The following MS4A18 variants were observed in gnomAD, a reference collection of about 807,000 sequenced individuals.
MS4A18 encodes the protein membrane spanning 4-domains A18.
Under a neutral mutation model 13.1 loss-of-function variants are expected in MS4A18, and 27 were observed. That is an observed-to-expected ratio of 2.06 (90% CI 1.52 to 2.84). The LOEUF is 2.84. Among genes scored for constraint, MS4A18 ranks in the 30% most tolerant of loss-of-function variants. MS4A18 has a pLI of 0.00. For synonymous variants in MS4A18, 126 were observed against 76.5 expected (o/e 1.65, Z -3.38); for missense variants, 307 against 196.4 (o/e 1.56, Z -3.37).
At chr11:60,728,355 C>T (rs1853194889), upstream of MS4A18, among the ~76,000 whole-genome samples, 1 of 151,922 alleles carries the variant, frequency 6.6e-6, no homozygotes, top group African/African-American at 2.4e-5. Flanking sequence ...AACCGAGAGT[C>T]AAAAGGACAT....
chr11:60,735,300 C>T (rs1472665668), intron 2 of MS4A18, among the ~76,000 whole-genome samples: 1 of 151,790 alleles, frequency 6.6e-6, no homozygotes, highest in Admixed American at 6.6e-5. Context: ...CTCTATGCCC[C>T]GAGAGGTAAC....
chr11:60,729,786 G>C, exon 1 of MS4A18: 2 of 691,006 alleles, frequency 2.9e-6, no homozygotes, highest in Non-Finnish European at 2.6e-6. Flanking sequence ...GAACATTAGG[G>C]GTGAGTGTGA....
chr11:60,744,545 C>T (rs1290790487), downstream of MS4A18, among the ~76,000 whole-genome samples: 3 of 152,190 alleles, frequency 2.0e-5, no homozygotes, highest in African/African-American at 4.8e-5. Flanking sequence ...GAATTAAAAA[C>T]AGTTGCTCTG....
chr11:60,743,967 AC>A lies in MS4A18; in HGVS notation c.1181del (p.Pro394ArgfsTer9), dbSNP rs778123665. Reference sequence around the variant, plus strand: ...TCAATGCTATCCACACCAGCAATGTACCCCCGAACCCTCGTACCAAGAAATA... The same window carrying A: ...TCAATGCTATCCACACCAGCAATGTACCCCGAACCCTCGTACCAAGAAATA... On this transcript the variant is annotated frameshift_variant, in exon 6 of 6. Transcript: ENST00000529108. LOFTEE classifies it high-confidence loss of function. The A allele has an allele frequency of 3.3e-5, 23 of 702,834 alleles. No individual in the cohort carries two copies. The highest frequency in any genetic ancestry group is 3.3e-4 in the South Asian group (22 of 67,576). The allele number at this position is 702,834 out of a possible 1,614,324, so 43.5% of individuals were successfully genotyped here.
intron 1 of MS4A18, 60 bp from the exon 3 acceptor site, chr11:60,733,474 A>G (rs1324439761): frequency 1.4e-6 from 1 of 702,100 alleles, no homozygotes; most frequent in Admixed American, 2.0e-5. Flanking sequence ...TGCAAAGCAC[A>G]GCTCCACAGC....
At chr11:60,732,748 A>G (rs903326658) in intron 1 of MS4A18, among the ~76,000 whole-genome samples, 128 of 151,268 alleles carry the variant, frequency 8.5e-4, no homozygotes, top group African/African-American at 1.7e-3. Flanking sequence ...AAAAAAAAAA[A>G]AAAAGAAACA....
At chr11:60,725,696 T>A (rs1012989884), upstream of MS4A18, among the ~76,000 whole-genome samples, 1 of 152,178 alleles carries the variant, frequency 6.6e-6, no homozygotes. Flanking sequence ...CAGTATTCAT[T>A]ATGAAAATTG....
At chr11:60,730,236 G>T (rs1853233658) in intron 1 of MS4A18, among the ~76,000 whole-genome samples, 1 of 152,200 alleles carries the variant, frequency 6.6e-6, no homozygotes, top group Non-Finnish European at 1.5e-5. Flanking sequence ...CCAGCTCCAA[G>T]GTTTTGTGAT....
intron 2 of MS4A18, 76 bp from the exon 4 acceptor site, chr11:60,736,902 T>C (rs1370985634): frequency 2.9e-6 from 2 of 678,960 alleles, no homozygotes; most frequent in Non-Finnish European, 5.3e-6. Flanking sequence ...GAGAAATGCG[T>C]CTCTGAGTGG....
chr11:60,731,121 C>G (rs139064734), intron 1 of MS4A18, among the ~76,000 whole-genome samples: 1 of 152,022 alleles, frequency 6.6e-6, no homozygotes, highest in East Asian at 1.9e-4. Context: ...AGAGGGAAAT[C>G]CTGGTCACAA....
chr11:60,733,655 C>T lies in MS4A18; in HGVS notation c.591+8C>T. On this transcript the variant is annotated splice_region_variant and intron_variant, in intron 2 of 5. Transcript: ENST00000529108. ...CTCTGGGGAGGATTATCCGTGAGTACAAGGCCATATGGTCTCCTTCCTGGG... is the reference window on the plus strand; with the variant it reads ...CTCTGGGGAGGATTATCCGTGAGTATAAGGCCATATGGTCTCCTTCCTGGG... The T allele has an allele frequency of 4.3e-6, 3 of 703,540 alleles. No homozygotes were observed. The highest frequency in any genetic ancestry group is 7.8e-6 in the Non-Finnish European group (3 of 385,120). The allele number at this position is 703,540 out of a possible 1,614,324, so 43.6% of individuals were successfully genotyped here. A position where few individuals can be genotyped will look rare whatever the true frequency, so the allele number is the denominator to read the frequency against.
rs1019911496 is a variant in MS4A18, at chr11:60,738,925, C to T, written c.672C>T (p.Asn224=). The T allele has an allele frequency of 1.1e-5, 8 of 703,296 alleles. No individual in the cohort carries two copies. The African/African-American group carries it at 1.2e-4, about 11-fold the overall frequency. 43.6% of individuals were successfully genotyped at this position (703,296 alleles called of 1,614,324 possible). A position where few individuals can be genotyped will look rare whatever the true frequency, so the allele number is the denominator to read the frequency against. ...AGGTGAACAGCAGCATCAGCTTCAA[C>T]ATCATCAGCGCACTCTTCGCCTTTG... Residue 224 remains asparagine, a synonymous_variant, in exon 4 of 6, where the codon AAC becomes AAT. Coordinates refer to ENST00000529108, the Ensembl canonical transcript of MS4A18.
At position 60,738,882 on chromosome 11, in the gene MS4A18, C is replaced by G; in HGVS notation, c.649-20C>G. ...CTCTTCAGACTCGGCTCCCTCTCTC[C>G]TCTCCCTCCTCTCCTGCAGGTGAAC... On this transcript the variant is annotated intron_variant, in intron 3 of 5. Transcript: ENST00000529108. 4.3e-6 allele frequency: 3 copies of G among 703,036 alleles called. No individual in the cohort carries two copies. Among genetic ancestry groups the G allele is most frequent in the Non-Finnish European group, 5.2e-6 (2 of 384,942 alleles). The allele number at this position is 703,036 out of a possible 1,614,324, so 43.5% of individuals were successfully genotyped here.
At chr11:60,730,732 T>C (rs1853241622) in intron 1 of MS4A18, among the ~76,000 whole-genome samples, 1 of 152,160 alleles carries the variant, frequency 6.6e-6, no homozygotes, top group Non-Finnish European at 1.5e-5. Context: ...GAACAAGGCG[T>C]TGTTTGCCTC....
chr11:60,727,310 T>C (rs1007707246), upstream of MS4A18, among the ~76,000 whole-genome samples: 1 of 152,118 alleles, frequency 6.6e-6, no homozygotes, highest in Non-Finnish European at 1.5e-5. Context: ...CAAAACACCC[T>C]TTGGAGAAGG....
chr11:60,739,226 C>A (rs551381644), intron 4 of MS4A18, among the ~76,000 whole-genome samples: 3 of 152,262 alleles, frequency 2.0e-5, no homozygotes, highest in African/African-American at 7.2e-5. Context: ...GCCACTTGAC[C>A]TCTCCTCGTA....
At chr11:60,743,966 T>C in exon 6 of MS4A18, 3 of 703,046 alleles carry the variant, frequency 4.3e-6, no homozygotes, top group African/African-American at 1.7e-5. Flanking sequence ...ACCAGCAATG[T>C]ACCCCCGAAC....
At chr11:60,739,691 G>T (rs1224454045) in intron 4 of MS4A18, among the ~76,000 whole-genome samples, 1 of 152,172 alleles carries the variant, frequency 6.6e-6, no homozygotes, top group Non-Finnish European at 1.5e-5. Flanking sequence ...CAATTCCCTA[G>T]TGCTTCCAGT....
chr11:60,728,077 T>G (rs1466997500), upstream of MS4A18, among the ~76,000 whole-genome samples: 1 of 152,150 alleles, frequency 6.6e-6, no homozygotes, highest in Non-Finnish European at 1.5e-5. Flanking sequence ...ACAAAATTTC[T>G]ACATGGTCGC....
Sources: allele counts gnomAD v4.1 joint callset (sites outside exome capture counted in the v4.1 genomes callset), GRCh38; gene constraint gnomAD v4.1.1; transcripts MANE v1.5; gene names NCBI Gene and HGNC (gene_info 2026-07-23, HGNC 2026-07-21).